The following SLC36A1 variants were observed in gnomAD, a reference collection of about 807,000 sequenced individuals.
SLC36A1 encodes the protein solute carrier family 36 member 1.
In SLC36A1, 30 loss-of-function variants were observed where a neutral mutation model predicts 47.5. The ratio of observed to expected loss-of-function variants is 0.63; its 90% CI spans 0.47 to 0.86. The LOEUF (loss-of-function observed/expected upper bound fraction) is 0.86, where lower values mean the gene tolerates loss of function less well. Among genes scored for constraint, SLC36A1 ranks in the 40% least tolerant of loss-of-function variants. SLC36A1 has a pLI of 0.00. For synonymous variants in SLC36A1, 255 were observed against 249.7 expected (o/e 1.02, Z -0.20); for missense variants, 517 against 606.0 (o/e 0.85, Z 1.54).
intron 10 of SLC36A1, among the ~76,000 whole-genome samples, chr5:151,483,235 C>CA (rs1759049048): frequency 6.6e-6 from 1 of 152,166 alleles, no homozygotes; most frequent in Non-Finnish European, 1.5e-5. Flanking sequence ...GATGCTGGTT[C>CA]AAAACCACAG....
the SLC36A1 span, among the ~76,000 whole-genome samples, chr5:151,520,014 T>G: frequency 6.6e-6 from 1 of 152,238 alleles, no homozygotes; most frequent in African/African-American, 2.4e-5. Flanking sequence ...AGAGAGACCC[T>G]TCAGCCTTCT....
intron 1 of SLC36A1, among the ~76,000 whole-genome samples, chr5:151,452,742 C>T (rs1200768576): frequency 2.6e-5 from 4 of 151,324 alleles, no homozygotes; most frequent in Non-Finnish European, 5.9e-5. Context: ...TGGTGATGGA[C>T]GCCTGTAATC....
chr5:151,493,096 T>C, downstream of SLC36A1, among the ~76,000 whole-genome samples: 1 of 152,230 alleles, frequency 6.6e-6, no homozygotes, highest in African/African-American at 2.4e-5. Context: ...CTTAATTTTC[T>C]TGAAATGTGG....
chr5:151,436,703 T>C (rs1315871755), upstream of SLC36A1, among the ~76,000 whole-genome samples: 1 of 151,300 alleles, frequency 6.6e-6, no homozygotes, highest in Non-Finnish European at 1.5e-5. Context: ...AAAGCCACAG[T>C]ATCATATATA....
chr5:151,405,112 T>A, the SLC36A1 span, among the ~76,000 whole-genome samples: 1 of 152,198 alleles, frequency 6.6e-6, no homozygotes, highest in Admixed American at 6.5e-5. Context: ...TTTGTGGGAC[T>A]GAGTTGATTT....
chr5:151,357,990 G>A, the SLC36A1 span, among the ~76,000 whole-genome samples: 1 of 152,194 alleles, frequency 6.6e-6, no homozygotes, highest in African/African-American at 2.4e-5. Flanking sequence ...ATTGTGGTCA[G>A]AGAACTTTTA....
chr5:151,469,147 T>C lies in SLC36A1; in HGVS notation c.723+1222T>C. 2.1e-5 allele frequency: 13 copies of C among 609,644 alleles called. 1 individual carries two copies. The South Asian group carries it at 2.5e-4, about 12-fold the overall frequency. 37.8% of individuals were successfully genotyped at this position (609,644 alleles called of 1,614,324 possible). A position where few individuals can be genotyped will look rare whatever the true frequency, so the allele number is the denominator to read the frequency against. ...CAAATAATTCATCAGTACATATTCATTAAAATGCAGACAACACAAATACCT... is the reference window on the plus strand; with the variant it reads ...CAAATAATTCATCAGTACATATTCACTAAAATGCAGACAACACAAATACCT... On this transcript the variant is annotated intron_variant, in intron 7 of 10. Coordinates refer to ENST00000243389, the MANE Select transcript of SLC36A1 (RefSeq NM_078483.4).
At chr5:151,506,953 A>T in the SLC36A1 span, among the ~76,000 whole-genome samples, 12 of 152,186 alleles carry the variant, frequency 7.9e-5, no homozygotes, top group Admixed American at 7.9e-4. Flanking sequence ...AATTTAAAGG[A>T]GTGCAATAGA....
intron 2 of SLC36A1, among the ~76,000 whole-genome samples, chr5:151,462,363 A>AT (rs139075390): frequency 0.2 from 29,201 of 148,076 alleles, 3,052 homozygotes; most frequent in Non-Finnish European, 0.25. Context: ...TCACCAATGG[A>AT]TTTTTTTTTT....
At chr5:151,360,097 T>G in the SLC36A1 span, among the ~76,000 whole-genome samples, 1 of 152,224 alleles carries the variant, frequency 6.6e-6, no homozygotes, top group East Asian at 1.9e-4. Flanking sequence ...CTTTTTAAAA[T>G]TTTATTTTTA....
chr5:151,391,613 G>A, the SLC36A1 span, among the ~76,000 whole-genome samples: 28 of 152,210 alleles, frequency 1.8e-4, no homozygotes, highest in South Asian at 2.1e-3. Flanking sequence ...TAGCATGAAG[G>A]GCTGTTGAAT....
At chr5:151,407,030 G>A in the SLC36A1 span, among the ~76,000 whole-genome samples, 749 of 150,842 alleles carry the variant, frequency 5.0e-3, 1 homozygote, top group African/African-American at 0.017. Flanking sequence ...AAGGTGGCGC[G>A]TCCAGAGTTG....
chr5:151,371,886 G>A, the SLC36A1 span, among the ~76,000 whole-genome samples: 1 of 152,080 alleles, frequency 6.6e-6, no homozygotes, highest in Non-Finnish European at 1.5e-5. Flanking sequence ...GGTGTTTATG[G>A]GAGCGGGAGA....
At chr5:151,368,158 C>T in the SLC36A1 span, among the ~76,000 whole-genome samples, 6 of 152,238 alleles carry the variant, frequency 3.9e-5, no homozygotes, top group African/African-American at 1.4e-4. Context: ...ACATCCTACA[C>T]CAATAACCTG....
At chr5:151,541,439 T>A in the SLC36A1 span, among the ~76,000 whole-genome samples, 1 of 152,266 alleles carries the variant, frequency 6.6e-6, no homozygotes, top group Non-Finnish European at 1.5e-5. Flanking sequence ...TTTCTACAAC[T>A]CTGTATTTCA....
chr5:151,397,708 G>C, the SLC36A1 span, among the ~76,000 whole-genome samples: 2 of 132,676 alleles, frequency 1.5e-5, no homozygotes, highest in Admixed American at 1.7e-4. Flanking sequence ...AAGTTGCAGT[G>C]AGCTGAGATC....
rs1760174412 is a variant in SLC36A1, at chr5:151,492,133, A to G, written c.*3879A>G. On this transcript the variant is annotated 3_prime_UTR_variant, in exon 11 of 11. Transcript: ENST00000243389. ...GGGGGAAGCTATGCTCTTTCAGTGG[A>G]TAATAAAATTGGTAACTCTATTGTA... The G allele has an allele frequency of 6.6e-6, 1 of 152,206 alleles. No homozygotes were observed. The highest frequency in any genetic ancestry group is 2.1e-4 in the South Asian group (1 of 4,830). 9.4% of individuals were successfully genotyped at this position (152,206 alleles called of 1,614,324 possible). A position where few individuals can be genotyped will look rare whatever the true frequency, so the allele number is the denominator to read the frequency against.
chr5:151,392,919 A>C, the SLC36A1 span, among the ~76,000 whole-genome samples: 3 of 151,724 alleles, frequency 2.0e-5, no homozygotes, highest in Admixed American at 1.3e-4. Flanking sequence ...CTATTAGGTC[A>C]GCTTGGTGCA....
the SLC36A1 span, chr5:151,425,359 A>G: frequency 0.022 from 3,383 of 152,434 alleles, 125 homozygotes; most frequent in African/African-American, 0.077. Context: ...CTGCAAGTCA[A>G]TGTTGCCTTT....
Sources: allele counts gnomAD v4.1 joint callset (sites outside exome capture counted in the v4.1 genomes callset), GRCh38; gene constraint gnomAD v4.1.1; transcripts MANE v1.5; gene names NCBI Gene and HGNC (gene_info 2026-07-23, HGNC 2026-07-21).